REXO5: variants seen among roughly 807,000 people sequenced by gnomAD.
The protein encoded by REXO5 is exonuclease NEF-sp.
A neutral mutation model predicts 88.5 loss-of-function variants in REXO5; 48 were observed. The ratio of observed to expected loss-of-function variants is 0.54; its 90% CI spans 0.43 to 0.69. REXO5 has a LOEUF of 0.69. Among genes scored for constraint, REXO5 ranks in the 30% least tolerant of loss-of-function variants. The pLI, the probability that REXO5 is intolerant of heterozygous loss-of-function variation, is 0.00. For missense variants in REXO5, 749 were observed against 912.2 expected, an observed-to-expected ratio of 0.82 and a Z score of 2.30; for synonymous variants, 311 against 336.5, an observed-to-expected ratio of 0.92 and a Z score of 0.83.
At chr16:20,840,788 A>G (rs2081515191) in intron 15 of REXO5, among the ~76,000 whole-genome samples, 2 of 152,112 alleles carry the variant, frequency 1.3e-5, no homozygotes, top group South Asian at 2.1e-4. Flanking sequence ...GGCTCAAGCA[A>G]TGTGAGACCA....
chr16:20,819,677 C>T (rs1289360025), intron 5 of REXO5, among the ~76,000 whole-genome samples: 1 of 151,512 alleles, frequency 6.6e-6, no homozygotes, highest in Non-Finnish European at 1.5e-5. Flanking sequence ...ATCATCTGAA[C>T]CTGGGAGGCA....
chr16:20,824,172 T>C (rs967540632), intron 6 of REXO5, among the ~76,000 whole-genome samples: 3 of 152,172 alleles, frequency 2.0e-5, no homozygotes, highest in Non-Finnish European at 2.9e-5. Flanking sequence ...GGAGGAAAAA[T>C]TGTTACTTGG....
In REXO5 at chr16:20,814,909, G is replaced by C; in HGVS notation, c.252-18G>C. On this transcript the variant is annotated intron_variant, in intron 3 of 19. Transcript: ENST00000261377. ...TAAGGCCATCTGTCTTAACTGTGTT[G>C]GTTTGATTTCTTGGCAGCTGGTGCC... The C allele has an allele frequency of 6.2e-7, 1 of 1,608,836 alleles. No individual in the cohort carries two copies. Among genetic ancestry groups the C allele is most frequent in the South Asian group, 1.1e-5 (1 of 89,948 alleles).
chr16:20,844,907 G>GTCT, intron 17 of REXO5, 62 bp downstream of exon 17: 1 of 1,556,916 alleles, frequency 6.4e-7, no homozygotes, highest in Non-Finnish European at 8.8e-7. Context: ...ATAACATGAG[G>GTCT]TCAGAGAAAG....
At chr16:20,838,755 C>T (rs907546690) in intron 13 of REXO5, among the ~76,000 whole-genome samples, 4 of 152,164 alleles carry the variant, frequency 2.6e-5, no homozygotes, top group South Asian at 2.1e-4. Context: ...TTCCGAGTCA[C>T]GCAAAACAGA....
chr16:20,847,085 G>C (rs543329124), intron 19 of REXO5, among the ~76,000 whole-genome samples: 83 of 152,148 alleles, frequency 5.5e-4, no homozygotes, highest in South Asian at 2.5e-3. Context: ...TGAAAACCTT[G>C]GGTTGTGTTA....
In REXO5 at chr16:20,827,151, T is replaced by C. The variant is rs1281950016; in HGVS notation, c.915T>C (p.Ala305=). 6.2e-7 allele frequency: 1 copy of C among 1,614,154 alleles called. No individual in the cohort carries two copies. The highest frequency in any genetic ancestry group is 2.2e-5 in the East Asian group (1 of 44,878). Residue 305 remains alanine (A), a synonymous_variant, in exon 9 of 20, where the codon GCT becomes GCC. Coordinates refer to ENST00000261377, the MANE Select transcript of REXO5 (RefSeq NM_030941.3). Reference sequence around the variant, plus strand: ...TAAAAGCACTGCTTCCTCCTGATGCTGTGTTAGTGGGCCACTCCTTAGATT... The same window carrying C: ...TAAAAGCACTGCTTCCTCCTGATGCCGTGTTAGTGGGCCACTCCTTAGATT... ...RQLKALLPPD[A]VLVGHSLDLD... is the part of the protein sequence containing the mutation.
rs9929443 is a variant in REXO5, at chr16:20,843,987, A to G, written c.1680A>G (p.Glu560=). Residue 560 remains glutamate, a synonymous_variant, in exon 16 of 20, where the codon GAA becomes GAG. Transcript: ENST00000261377. ...EVLEAAQLAI[E]SLDGILVDGI... ...TAGAAGCTGCCCAGCTGGCCATAGA[A>G]TCCTTGGATGGTATTCTGGTAGATG... The G allele has an allele frequency of 0.89, 1,427,521 of 1,605,828 alleles. 636,926 individuals carry two copies. Among genetic ancestry groups the G allele is most frequent in the Non-Finnish European group, 0.91 (1,061,945 of 1,172,768 alleles).
At chr16:20,832,003 C>T (rs2081352546) in intron 11 of REXO5, among the ~76,000 whole-genome samples, 153 bp from the exon 12 acceptor site, 1 of 152,198 alleles carries the variant, frequency 6.6e-6, no homozygotes, top group Non-Finnish European at 1.5e-5. Context: ...CATCCCAGGG[C>T]TGTGGCAATG....
At position 20,833,040 on chromosome 16, in the gene REXO5, C is replaced by A. The variant is rs752025073; in HGVS notation, c.1300C>A (p.Leu434Ile). 1 of 1,613,608 alleles carries A rather than the reference C, an allele frequency of 6.2e-7. No individual in the cohort carries two copies. The highest frequency in any genetic ancestry group is 1.1e-5 in the South Asian group (1 of 91,060). The change falls in exon 13 of 20, where the codon CTT (leucine) becomes ATT (isoleucine). Residue 434 changes from leucine to isoleucine, a missense_variant. Coordinates refer to ENST00000261377, the MANE Select transcript of REXO5 (RefSeq NM_030941.3). Reference sequence around the variant, plus strand: ...CTTGGATTCAGTGGGTCAGAAGCTTCTTTTTTTGACCCGGGAGACAGATGC... The same window carrying A: ...CTTGGATTCAGTGGGTCAGAAGCTTATTTTTTTGACCCGGGAGACAGATGC... ...ECLDSVGQKL[L>I]FLTRETDAGE...
At chr16:20,806,488 C>A, upstream of REXO5, 1 of 1,548,280 alleles carries the variant, frequency 6.5e-7, no homozygotes, top group Non-Finnish European at 8.7e-7. Flanking sequence ...ACTTCTACTT[C>A]CGGTCCGTTC....
intron 2 of REXO5, 42 bp downstream of exon 2, chr16:20,807,133 GGA>G (rs760741193): frequency 1.9e-5 from 29 of 1,566,086 alleles, no homozygotes; most frequent in Non-Finnish European, 2.4e-5. Flanking sequence ...TAGGCGGTTT[GGA>G]GCTCCCGGAC....
intron 19 of REXO5, among the ~76,000 whole-genome samples, chr16:20,848,688 T>G (rs1411259458): frequency 2.6e-5 from 4 of 152,222 alleles, no homozygotes; most frequent in Non-Finnish European, 5.9e-5. Flanking sequence ...CTGACCCAGT[T>G]CCATGAATAT....
chr16:20,828,445 C>G lies in REXO5; in HGVS notation c.1066C>G (p.Gln356Glu). The change falls in exon 11 of 20, where the codon CAG (glutamine) becomes GAG (glutamate). Residue 356 changes from glutamine (Q) to glutamate (E), a missense_variant. Physicochemically the swap from Gln to Glu is conservative, Grantham distance 29 (BLOSUM62 2). Transcript: ENST00000261377. ...ATATTGACTTTCCAGGAAGGATATA[C>G]AGTGTCCAGACAGACTTGGTCATGA... The part of the protein sequence containing the change: ...LAKVILGKDI[Q>E]CPDRLGHDAT... The G allele has an allele frequency of 6.2e-7, 1 of 1,610,388 alleles. No individual in the cohort carries two copies. Among genetic ancestry groups the G allele is most frequent in the Non-Finnish European group, 8.5e-7 (1 of 1,176,720 alleles).
chr16:20,812,333 G>C (rs2081012383), intron 2 of REXO5, among the ~76,000 whole-genome samples: 1 of 152,040 alleles, frequency 6.6e-6, no homozygotes. Context: ...ACCAGCCTGG[G>C]CAACATGGTA....
chr16:20,824,608 T>G, intron 7 of REXO5, 81 bp downstream of exon 7: 2 of 831,406 alleles, frequency 2.4e-6, no homozygotes, highest in Admixed American at 4.4e-5. Context: ...TCTAATGCAC[T>G]AATGAACGAA....
chr16:20,826,986 T>C (rs2081268621), intron 8 of REXO5, 72 bp from the exon 9 acceptor site: 1 of 1,500,786 alleles, frequency 6.7e-7, no homozygotes, highest in Admixed American at 2.0e-5. Flanking sequence ...AAATGTTATT[T>C]TTAAAATCAC....
chr16:20,835,015 C>T (rs557684070), intron 13 of REXO5, among the ~76,000 whole-genome samples: 31 of 152,140 alleles, frequency 2.0e-4, no homozygotes, highest in African/African-American at 6.7e-4. Context: ...GTATTGGATG[C>T]CAGACATAGT....
chr16:20,810,623 T>C (rs1237614515), intron 2 of REXO5, among the ~76,000 whole-genome samples: 4 of 152,170 alleles, frequency 2.6e-5, no homozygotes, highest in Admixed American at 6.5e-5. Context: ...CTCAAATTCA[T>C]GACCTCAAGT....
Sources: gnomAD v4.1 joint callset for allele counts (sites outside exome capture counted in the v4.1 genomes callset) on GRCh38, gnomAD v4.1.1 for gene constraint, MANE v1.5 for transcripts, NCBI Gene and HGNC (gene_info 2026-07-23, HGNC 2026-07-21) for gene names.